The following CLVS2 variants were observed in gnomAD, a reference collection of about 807,000 sequenced individuals.
CLVS2 encodes clavesin 2.
A neutral mutation model predicts 29.0 loss-of-function variants in CLVS2; 19 were observed. The observed-to-expected ratio is 0.66, with a 90% CI of 0.46 to 0.96. The LOEUF (loss-of-function observed/expected upper bound fraction) is 0.96. CLVS2 is among the 40% of genes least tolerant of loss of function. The probability of loss-of-function intolerance (pLI) is 0.00; values close to 1 mark genes in which losing one functional copy is unlikely to be tolerated. For synonymous variants in CLVS2, 161 were observed against 151.3 expected, an observed-to-expected ratio of 1.06 and a Z score of -0.47; for missense variants, 294 against 404.1, an observed-to-expected ratio of 0.73 and a Z score of 2.34.
intron 3 of CLVS2, among the ~76,000 whole-genome samples, chr6:123,042,445 G>A (rs914908775): frequency 2.0e-5 from 3 of 152,068 alleles, no homozygotes; most frequent in African/African-American, 7.2e-5. Context: ...GTGTGCCAGG[G>A]CAGCATGAGA....
chr6:123,044,587 C>A (rs1772450045), intron 3 of CLVS2, among the ~76,000 whole-genome samples: 2 of 151,906 alleles, frequency 1.3e-5, no homozygotes, highest in South Asian at 4.1e-4. Flanking sequence ...CTTTGATTAG[C>A]TGCCCACTGA....
At position 122,997,797 on chromosome 6, in the gene CLVS2, G is replaced by A. The variant is rs1774533600; in HGVS notation, c.20G>A (p.Gly7Asp). MTHLQA[G>D]LSPETLEKAR... ...AGAACAATGACTCATTTGCAAGCCG[G>A]TCTCTCCCCTGAGACCCTGGAGAAA... is the stretch of plus-strand genomic sequence containing the variant. Residue 7 changes from glycine (G) to aspartate (D), a missense_variant, in exon 2 of 6, where the codon GGT (glycine) becomes GAT (aspartate). Physicochemically the swap from Gly to Asp is moderately conservative, Grantham distance 94. Around this residue, in one of 2 missense-constraint regions of CLVS2, gnomAD observed 212 missense variants for 336.4 expected, o/e 0.63. Transcript: ENST00000275162. 6.2e-7 allele frequency: 1 copy of A among 1,613,862 alleles called. No individual in the cohort carries two copies. Among genetic ancestry groups the A allele is most frequent in the Non-Finnish European group, 8.5e-7 (1 of 1,180,002 alleles).
intron 4 of CLVS2, among the ~76,000 whole-genome samples, chr6:123,052,189 C>T (rs991363928): frequency 1.3e-5 from 2 of 152,152 alleles, no homozygotes; most frequent in Non-Finnish European, 2.9e-5. Context: ...AGTGGATAGG[C>T]TTCCCAGGTT....
intron 3 of CLVS2, among the ~76,000 whole-genome samples, chr6:123,018,609 T>C (rs1177788570): frequency 6.6e-6 from 1 of 151,856 alleles, no homozygotes; most frequent in African/African-American, 2.4e-5. Flanking sequence ...ACTCTTGTTC[T>C]ATTCTCTTAA....
chr6:123,034,585 G>C (rs139369092), intron 3 of CLVS2, among the ~76,000 whole-genome samples: 1 of 152,246 alleles, frequency 6.6e-6, no homozygotes, highest in African/African-American at 2.4e-5. Context: ...TAGATTGAGC[G>C]TTACTCTGAA....
intron 3 of CLVS2, among the ~76,000 whole-genome samples, chr6:123,019,498 C>T (rs1257156396): frequency 6.6e-6 from 1 of 151,946 alleles, no homozygotes; most frequent in Admixed American, 6.6e-5. Context: ...AAGGGGCAGG[C>T]GATTTCTATT....
intron 2 of CLVS2, among the ~76,000 whole-genome samples, chr6:123,001,538 C>T (rs1338759759): frequency 6.6e-6 from 1 of 152,208 alleles, no homozygotes; most frequent in Non-Finnish European, 1.5e-5. Flanking sequence ...ATAATTTTAT[C>T]TCCTTTTAGA....
chr6:123,057,260 G>A (rs911692782), intron 5 of CLVS2, among the ~76,000 whole-genome samples: 1 of 151,294 alleles, frequency 6.6e-6, no homozygotes, highest in African/African-American at 2.4e-5. Flanking sequence ...ATCCTTCTCT[G>A]ATGAAAGCCT....
chr6:123,015,806 A>G (rs1468562258), intron 3 of CLVS2, among the ~76,000 whole-genome samples: 1 of 152,032 alleles, frequency 6.6e-6, no homozygotes, highest in African/African-American at 2.4e-5. Flanking sequence ...TCTCTAGGAT[A>G]AAGCATGAAG....
chr6:123,051,155 T>A (rs1036752415), intron 4 of CLVS2, among the ~76,000 whole-genome samples: 1 of 152,196 alleles, frequency 6.6e-6, no homozygotes, highest in African/African-American at 2.4e-5. Flanking sequence ...TCGGATGCTA[T>A]AAGTCTATGT....
At chr6:123,037,507 G>T (rs1234134693) in intron 3 of CLVS2, among the ~76,000 whole-genome samples, 1 of 151,908 alleles carries the variant, frequency 6.6e-6, no homozygotes, top group African/African-American at 2.4e-5. Flanking sequence ...AACAACCTTG[G>T]CAGGCCAGAA....
chr6:123,028,891 G>C (rs1006474761), intron 3 of CLVS2, among the ~76,000 whole-genome samples: 3 of 152,124 alleles, frequency 2.0e-5, no homozygotes, highest in African/African-American at 7.2e-5. Flanking sequence ...CTGAATGTTT[G>C]TGTTTGCCCT....
intron 3 of CLVS2, among the ~76,000 whole-genome samples, chr6:123,021,001 T>C (rs913652972): frequency 2.0e-5 from 3 of 150,254 alleles, no homozygotes; most frequent in Admixed American, 6.6e-5. Flanking sequence ...TTTGTTTCGT[T>C]AGACTCAATC....
intron 3 of CLVS2, among the ~76,000 whole-genome samples, chr6:123,047,488 G>T (rs1772534263): frequency 6.6e-6 from 1 of 152,062 alleles, no homozygotes. Context: ...AAATTTGGCA[G>T]CTCTGCAAAT....
At chr6:123,046,306 T>C (rs547222915) in intron 3 of CLVS2, among the ~76,000 whole-genome samples, 1 of 152,308 alleles carries the variant, frequency 6.6e-6, no homozygotes, top group East Asian at 1.9e-4. Context: ...TGTTTGCATG[T>C]TCATGTTTTT....
intron 5 of CLVS2, among the ~76,000 whole-genome samples, chr6:123,059,379 A>G (rs1338028322): frequency 1.3e-5 from 2 of 152,168 alleles, no homozygotes; most frequent in African/African-American, 2.4e-5. Context: ...GTAAGCTTCA[A>G]GGAGACCATA....
intron 3 of CLVS2, among the ~76,000 whole-genome samples, chr6:123,013,996 A>C (rs1774789533): frequency 6.6e-6 from 1 of 152,052 alleles, no homozygotes; most frequent in Non-Finnish European, 1.5e-5. Flanking sequence ...TGAACTCATC[A>C]TTTTTTATGG....
intron 2 of CLVS2, among the ~76,000 whole-genome samples, chr6:123,007,399 T>G (rs1343404639): frequency 6.6e-6 from 1 of 152,174 alleles, no homozygotes; most frequent in Non-Finnish European, 1.5e-5. Context: ...CCCATTTTAT[T>G]TTGTATTTGT....
intron 2 of CLVS2, among the ~76,000 whole-genome samples, chr6:123,006,512 T>A (rs1774671223): frequency 6.6e-6 from 1 of 151,958 alleles, no homozygotes; most frequent in Non-Finnish European, 1.5e-5. Flanking sequence ...TATTAGGAAA[T>A]AAAGCTAGGA....
Sources: allele counts gnomAD v4.1 joint callset (sites outside exome capture counted in the v4.1 genomes callset), GRCh38; gene constraint gnomAD v4.1.1; regional missense constraint gnomAD v4.1.1; transcripts MANE v1.5; gene names NCBI Gene and HGNC (gene_info 2026-07-23, HGNC 2026-07-21).